The following CNTN5 variants were observed in gnomAD, a reference collection of about 807,000 sequenced individuals.
The protein encoded by CNTN5 is contactin 5.
CNTN5 carries 77 observed loss-of-function variants against 129.1 expected under a neutral mutation model. The observed-to-expected ratio is 0.60, with a 90% confidence interval of 0.50 to 0.72. CNTN5 has a LOEUF of 0.72. Among genes scored for constraint, CNTN5 ranks in the 30% least tolerant of loss-of-function variants. CNTN5 has a pLI of 0.00. For synonymous variants in CNTN5, 509 were observed against 465.6 expected, an observed-to-expected ratio of 1.09 and a Z score of -1.20; for missense variants, 1,478 against 1,328.8, an observed-to-expected ratio of 1.11 and a Z score of -1.75.
chr11:99,070,128 G>A (rs1214955756), intron 1 of CNTN5, among the ~76,000 whole-genome samples: 3 of 152,112 alleles, frequency 2.0e-5, no homozygotes, highest in Non-Finnish European at 4.4e-5. Flanking sequence ...TGTCCTGGCC[G>A]TGCTCTGGGC....
intron 1 of CNTN5, among the ~76,000 whole-genome samples, chr11:99,162,275 T>A (rs533784673): frequency 3.9e-4 from 42 of 106,496 alleles, no homozygotes; most frequent in Middle Eastern, 5.4e-3. Flanking sequence ...TTCCTAGACA[T>A]GTTTTTTTTT....
chr11:99,839,448 T>A (rs1016211795), intron 4 of CNTN5, among the ~76,000 whole-genome samples: 1 of 152,056 alleles, frequency 6.6e-6, no homozygotes, highest in African/African-American at 2.4e-5. Context: ...AGTTTTTGTA[T>A]GGGAGGACCA....
intron 3 of CNTN5, among the ~76,000 whole-genome samples, chr11:99,788,297 T>A (rs1945610844): frequency 6.6e-6 from 1 of 151,956 alleles, no homozygotes. Flanking sequence ...ATAAGTTTCC[T>A]TGTTAATAAC....
At chr11:99,642,537 T>A (rs1330513766) in intron 3 of CNTN5, among the ~76,000 whole-genome samples, 1 of 152,220 alleles carries the variant, frequency 6.6e-6, no homozygotes, top group Non-Finnish European at 1.5e-5. Context: ...TTTTGATACA[T>A]TTATACATCG....
intron 1 of CNTN5, among the ~76,000 whole-genome samples, chr11:99,170,713 A>C (rs17133191): frequency 0.17 from 25,438 of 152,188 alleles, 2,323 homozygotes; most frequent in East Asian, 0.35. Flanking sequence ...AGTAAGGCTG[A>C]GGAAATGCAT....
At chr11:99,070,069 C>T (rs1591139583) in intron 1 of CNTN5, among the ~76,000 whole-genome samples, 1 of 152,160 alleles carries the variant, frequency 6.6e-6, no homozygotes, top group Non-Finnish European at 1.5e-5. Flanking sequence ...AGCTGGCTTC[C>T]TGACGACCAC....
Position 99,917,393 on chromosome 11 carries a change from G to A in CNTN5, c.673+1244G>A, listed in dbSNP as rs533005244. 2.6e-4 allele frequency among the ~76,000 whole-genome samples: 40 copies of A among 151,982 alleles called. 1 individual carries two copies. The highest frequency in any genetic ancestry group is 8.4e-4 in the African/African-American group (35 of 41,482). ...AACATCTGTTTTAATTTTTTTAATG[G>A]ATAAGACAAAAATTTTTATTACATT... is the stretch of plus-strand genomic sequence containing the variant. On this transcript the variant is annotated intron_variant, in intron 7 of 24. Transcript: ENST00000524871.
chr11:99,250,954 T>C (rs1175830179), intron 1 of CNTN5, among the ~76,000 whole-genome samples: 1 of 151,952 alleles, frequency 6.6e-6, no homozygotes, highest in African/African-American at 2.4e-5. Flanking sequence ...TTGAGTGTTA[T>C]AGATTTCCCC....
chr11:99,774,344 G>A (rs1387303475), intron 3 of CNTN5, among the ~76,000 whole-genome samples: 2 of 150,282 alleles, frequency 1.3e-5, no homozygotes, highest in South Asian at 2.1e-4. Context: ...TTTTTTTTTG[G>A]GGGGGTGGGT....
At chr11:99,752,062 GAA>G (rs5794018) in intron 3 of CNTN5, among the ~76,000 whole-genome samples, 2 of 149,326 alleles carry the variant, frequency 1.3e-5, no homozygotes, top group Non-Finnish European at 3.0e-5. Context: ...AGAACTGTAA[GAA>G]AAAAAAAAAT....
chr11:99,990,625 C>T (rs532261958), intron 8 of CNTN5, among the ~76,000 whole-genome samples: 8 of 151,948 alleles, frequency 5.3e-5, no homozygotes, highest in Admixed American at 1.3e-4. Context: ...TTCTTCAGTC[C>T]TTTATTTACA....
rs138822710 is a variant in CNTN5, at chr11:99,509,764, A to G, written c.-70-46381A>G. On this transcript the variant is annotated intron_variant, in intron 2 of 24. Coordinates refer to ENST00000524871, the MANE Select transcript of CNTN5 (RefSeq NM_014361.4). ...AAAAAAAGAGATTATTGATCATTTA[A>G]TATAGGGGTAATTTCCTTAATACAT... is the stretch of plus-strand genomic sequence containing the variant. 2.1e-3 allele frequency among the ~76,000 whole-genome samples: 321 copies of G among 152,176 alleles called. 2 individuals carry two copies. Among genetic ancestry groups the G allele is most frequent in the Non-Finnish European group, 2.8e-3 (190 of 67,954 alleles).
chr11:99,622,214 G>A (rs1458544502), intron 3 of CNTN5, among the ~76,000 whole-genome samples: 1 of 152,144 alleles, frequency 6.6e-6, no homozygotes, highest in Non-Finnish European at 1.5e-5. Flanking sequence ...AATAGCAGGT[G>A]ACTGTTCCCC....
intron 6 of CNTN5, among the ~76,000 whole-genome samples, chr11:99,909,282 A>G (rs1368680540): frequency 2.0e-5 from 3 of 152,160 alleles, no homozygotes; most frequent in African/African-American, 7.2e-5. Context: ...CACCAGTTAG[A>G]ATGGTGATCA....
chr11:99,381,903 G>T (rs972456534), intron 2 of CNTN5, among the ~76,000 whole-genome samples: 6 of 152,136 alleles, frequency 3.9e-5, no homozygotes, highest in African/African-American at 1.4e-4. Flanking sequence ...AATGGTGGCT[G>T]CTGTAGCTTG....
At chr11:99,907,651 T>C (rs1002711053) in intron 6 of CNTN5, among the ~76,000 whole-genome samples, 8 of 151,876 alleles carry the variant, frequency 5.3e-5, no homozygotes, top group Admixed American at 1.3e-4. Context: ...TAATTAATTA[T>C]GATGTGAATA....
intron 1 of CNTN5, among the ~76,000 whole-genome samples, chr11:99,076,752 T>C (rs1426458578): frequency 6.6e-6 from 1 of 152,204 alleles, no homozygotes; most frequent in East Asian, 1.9e-4. Flanking sequence ...CATCTAATTT[T>C]CTTTGGTATT....
At chr11:99,295,877 C>T (rs1234451593) in intron 1 of CNTN5, among the ~76,000 whole-genome samples, 3 of 120,404 alleles carry the variant, frequency 2.5e-5, no homozygotes, top group Non-Finnish European at 4.9e-5. Flanking sequence ...AGCGAGACTC[C>T]GTCTCAAAAA....
intron 13 of CNTN5, among the ~76,000 whole-genome samples, chr11:100,127,351 C>T (rs1241212269): frequency 6.6e-6 from 1 of 151,914 alleles, no homozygotes; most frequent in Non-Finnish European, 1.5e-5. Context: ...ATGATGATAA[C>T]AATCCTTTGA....
Sources: allele counts gnomAD v4.1 joint callset (sites outside exome capture counted in the v4.1 genomes callset), GRCh38; gene constraint gnomAD v4.1.1; transcripts MANE v1.5; gene names NCBI Gene and HGNC (gene_info 2026-07-23, HGNC 2026-07-21).